FLNB: variants seen among roughly 807,000 people sequenced by gnomAD.
FLNB encodes filamin B, also known as filamin-B.
A neutral mutation model predicts 250.6 loss-of-function variants in FLNB; 111 were observed. The observed-to-expected ratio is 0.44, with a 90% CI of 0.38 to 0.52. The LOEUF (loss-of-function observed/expected upper bound fraction) is 0.52. FLNB is among the 20% of genes least tolerant of loss of function. FLNB has a pLI of 0.00. For synonymous variants in FLNB, 1,302 were observed against 1,372.1 expected, an observed-to-expected ratio of 0.95 and a Z score of 1.13; for missense variants, 2,869 against 3,447.8, an observed-to-expected ratio of 0.83 and a Z score of 4.20.
intron 1 of FLNB, among the ~76,000 whole-genome samples, chr3:58,043,884 G>A (rs1324571515): frequency 6.6e-6 from 1 of 152,134 alleles, no homozygotes; most frequent in Non-Finnish European, 1.5e-5. Context: ...AATGAACCAC[G>A]GGTTCACAGA....
intron 43 of FLNB, chr3:58,163,752 G>A (rs2097365724): frequency 4.7e-6 from 1 of 212,132 alleles, no homozygotes; most frequent in Admixed American, 5.3e-5. Flanking sequence ...ATGCACTGAA[G>A]CAGCAATAAG....
At position 58,118,902 on chromosome 3, in the gene FLNB, G is replaced by A. The variant is rs1353514577; in HGVS notation, c.2776G>A (p.Gly926Ser). ...CATGCAGGTTCTGGTGACTTACGGTGGCGATCCCATCCCTAAAAGCCCTTT... is the reference window on the plus strand; with the variant it reads ...CATGCAGGTTCTGGTGACTTACGGTAGCGATCCCATCCCTAAAAGCCCTTT... ...GNMQVLVTYG[G>S]DPIPKSPFTV... The change falls in exon 19 of 46, where the codon GGC becomes AGC. Residue 926 changes from glycine (G) to serine (S), a missense_variant. Physicochemically the swap from Gly to Ser is moderately conservative, Grantham distance 56. Coordinates refer to ENST00000295956, the MANE Select transcript of FLNB (RefSeq NM_001457.4). 6.2e-7 allele frequency: 1 copy of A among 1,614,086 alleles called. No homozygotes were observed. Among genetic ancestry groups the A allele is most frequent in the East Asian group, 2.2e-5 (1 of 44,876 alleles).
At chr3:58,154,751 G>A in intron 39 of FLNB, 40 bp from the exon 40 acceptor site, 1 of 1,610,988 alleles carries the variant, frequency 6.2e-7, no homozygotes, top group Non-Finnish European at 8.5e-7. Context: ...CAGGGGCTCT[G>A]TGGGGCTCAG....
intron 1 of FLNB, among the ~76,000 whole-genome samples, chr3:58,067,578 T>C (rs1347262616): frequency 8.4e-6 from 1 of 118,784 alleles, no homozygotes; most frequent in South Asian, 2.6e-4. Context: ...AGAGGTTTTT[T>C]TTGTTTGTTT....
At chr3:58,025,142 T>TTTC (rs1553681605) in intron 1 of FLNB, among the ~76,000 whole-genome samples, 4 of 147,646 alleles carry the variant, frequency 2.7e-5, no homozygotes, top group African/African-American at 1.0e-4. Flanking sequence ...TCTTTTTTTT[T>TTTC]TTTTTGAGAT....
At chr3:58,032,439 T>C (rs1240720558) in intron 1 of FLNB, among the ~76,000 whole-genome samples, 1 of 152,172 alleles carries the variant, frequency 6.6e-6, no homozygotes, top group Non-Finnish European at 1.5e-5. Flanking sequence ...GTGGCAGACT[T>C]GGGATTCTCA....
chr3:58,062,676 C>CTG (rs1430772334), intron 1 of FLNB, among the ~76,000 whole-genome samples: 1 of 152,224 alleles, frequency 6.6e-6, no homozygotes, highest in Non-Finnish European at 1.5e-5. Flanking sequence ...CTAGAGCACA[C>CTG]TGCCAGTTCA....
chr3:58,104,140 A>G (rs1205282089), intron 10 of FLNB, 55 bp downstream of exon 10: 2 of 1,592,836 alleles, frequency 1.3e-6, no homozygotes, highest in Non-Finnish European at 1.7e-6. Context: ...CCCAGGGCGG[A>G]CTCATGGGTA....
chr3:58,050,891 A>T (rs1355879109), intron 1 of FLNB, among the ~76,000 whole-genome samples: 1 of 152,128 alleles, frequency 6.6e-6, no homozygotes, highest in East Asian at 1.9e-4. Flanking sequence ...AAATGGGGTA[A>T]TATTTGTTCC....
At chr3:58,129,781 T>C (rs983521559) in intron 24 of FLNB, among the ~76,000 whole-genome samples, 1 of 152,216 alleles carries the variant, frequency 6.6e-6, no homozygotes, top group Non-Finnish European at 1.5e-5. Flanking sequence ...AGGACTCCCA[T>C]GCGAGGCAGA....
Position 58,125,704 on chromosome 3 carries a change from C to A in FLNB, c.4022C>A (p.Ala1341Asp). Residue 1341 changes from alanine (A) to aspartate (D), a missense_variant, in exon 23 of 46, where the codon GCC becomes GAC. Physicochemically the swap from Ala to Asp is moderately radical, Grantham distance 126 (BLOSUM62 -2). Transcript: ENST00000295956. ...GCCCAAGGACCTGGATTGAAAGAGG[C>A]CTTTACCAACAAGCCCAATGTCTTC... Reference protein sequence around the residue: ...VQAQGPGLKEAFTNKPNVFTV... With the variant: ...VQAQGPGLKEDFTNKPNVFTV... 2 of 1,614,008 alleles carry A rather than the reference C, an allele frequency of 1.2e-6. No individual in the cohort carries two copies. The highest frequency in any genetic ancestry group is 2.2e-5 in the East Asian group (1 of 44,886).
chr3:58,009,599 G>A (rs76839329), intron 1 of FLNB, among the ~76,000 whole-genome samples: 421 of 152,296 alleles, frequency 2.8e-3, no homozygotes, highest in Non-Finnish European at 4.3e-3. Context: ...TGTACCGTCA[G>A]CCTTCTAAGT....
rs2097382341 is a variant in FLNB, at chr3:58,171,484, T to C, written c.*722T>C. 6.6e-6 allele frequency: 1 copy of C among 152,408 alleles called. No homozygotes were observed. Among genetic ancestry groups the C allele is most frequent in the South Asian group, 2.1e-4 (1 of 4,816 alleles). The allele number at this position is 152,408 out of a possible 1,614,324, so 9.4% of individuals were successfully genotyped here. ...CGGCAGTCATGGTTTTGCTTTAGTT[T>C]TCCAAGTCCGTTTCAGTCCCTTCCT... On this transcript the variant is annotated 3_prime_UTR_variant, in exon 46 of 46. Coordinates refer to ENST00000295956, the MANE Select transcript of FLNB (RefSeq NM_001457.4). This position sits in a 1 kb window ranked among gnomAD's most constrained non-coding sequence, Gnocchi z 5.5.
At chr3:58,139,925 CT>C (rs1033681205) in intron 29 of FLNB, among the ~76,000 whole-genome samples, 5 of 152,154 alleles carry the variant, frequency 3.3e-5, no homozygotes, top group Non-Finnish European at 7.4e-5. Context: ...ATTGAGGACC[CT>C]TTTTGCAGAA....
intron 36 of FLNB, 88 bp downstream of exon 36, chr3:58,148,940 C>A: frequency 8.4e-7 from 1 of 1,185,220 alleles, no homozygotes. Flanking sequence ...CCTACCAACT[C>A]CTTTTCCTTT....
In FLNB at chr3:58,032,933, T is replaced by G. The variant is rs149260272; in HGVS notation, c.292+24077T>G. ...CCTTCCCCGCCAAAAAAAAGCTAGG[T>G]GTAGTGACATGCACCTGTGGTCCCA... On this transcript the variant is annotated intron_variant, in intron 1 of 45. Coordinates refer to ENST00000295956, the MANE Select transcript of FLNB (RefSeq NM_001457.4). Among the ~76,000 whole-genome samples the G allele has an allele frequency of 6.2e-3, 948 of 151,994 alleles. 4 individuals are homozygous for G. The highest frequency in any genetic ancestry group is 0.017 in the Middle Eastern group (5 of 294).
At chr3:58,060,083 G>C (rs2097175792) in intron 1 of FLNB, among the ~76,000 whole-genome samples, 1 of 152,218 alleles carries the variant, frequency 6.6e-6, no homozygotes, top group Non-Finnish European at 1.5e-5. Flanking sequence ...ACTGCACAGG[G>C]CCAAGCCCTC....
At position 58,008,648 on chromosome 3, in the gene FLNB, G is replaced by A. The variant is rs1197563298; in HGVS notation, c.84G>A (p.Glu28=). The A allele has an allele frequency of 1.2e-6, 2 of 1,613,986 alleles. No homozygotes were observed. The highest frequency in any genetic ancestry group is 1.7e-6 in the Non-Finnish European group (2 of 1,180,012). Residue 28 remains glutamate, a synonymous_variant, in exon 1 of 46, where the codon GAG becomes GAA. Coordinates refer to ENST00000295956, the MANE Select transcript of FLNB (RefSeq NM_001457.4). ...QQNTFTRWCN[E]HLKCVNKRIG... ...ACACGTTCACACGCTGGTGCAACGA[G>A]CACCTCAAGTGCGTGAACAAACGCA...
At chr3:58,053,038 A>G (rs1193684926) in intron 1 of FLNB, among the ~76,000 whole-genome samples, 1 of 152,092 alleles carries the variant, frequency 6.6e-6, no homozygotes, top group Non-Finnish European at 1.5e-5. Flanking sequence ...TTGTCAGCCC[A>G]TTTTACAGAT....
Sources: gnomAD v4.1 joint callset for allele counts (sites outside exome capture counted in the v4.1 genomes callset) on GRCh38, gnomAD v4.1.1 for gene constraint, Gnocchi (gnomAD v3.1) non-coding constraint, MANE v1.5 for transcripts, NCBI Gene and HGNC (gene_info 2026-07-23, HGNC 2026-07-21) for gene names.